The following KLHL7 variants were observed in gnomAD, a reference collection of about 807,000 sequenced individuals.
The protein encoded by KLHL7 is kelch-like protein 7.
KLHL7 carries 44 observed loss-of-function variants against 67.4 expected under a neutral mutation model. The observed-to-expected ratio is 0.65, with a 90% CI of 0.51 to 0.84. The LOEUF (loss-of-function observed/expected upper bound fraction) is 0.84. Among genes scored for constraint, KLHL7 ranks in the 40% least tolerant of loss-of-function variants. The pLI is 0.00. For missense variants in KLHL7, 362 were observed against 718.1 expected, an observed-to-expected ratio of 0.50 and a Z score of 5.67; for synonymous variants, 252 against 243.3, an observed-to-expected ratio of 1.04 and a Z score of -0.33.
intron 1 of KLHL7, among the ~76,000 whole-genome samples, chr7:23,114,809 T>A (rs1025841796): frequency 6.6e-6 from 1 of 152,212 alleles, no homozygotes; most frequent in African/African-American, 2.4e-5. Context: ...TCTCAAATTT[T>A]TCTAAGCCAA....
intron 7 of KLHL7, among the ~76,000 whole-genome samples, chr7:23,163,260 T>C (rs1784902104): frequency 6.6e-6 from 1 of 151,138 alleles, no homozygotes; most frequent in Admixed American, 6.6e-5. Flanking sequence ...AACTTCTGCC[T>C]CCCAGGTTCA....
In KLHL7 at chr7:23,147,400, A is replaced by G. The variant is rs530003075; in HGVS notation, c.793+3375A>G. ...CCACCAACGCTGGCCTACCCTGGTC[A>G]TTTTTTATGGTCTTTTTTCCTTGCT... is the stretch of plus-strand genomic sequence containing the variant. On this transcript the variant is annotated intron_variant, in intron 6 of 10. Coordinates refer to ENST00000339077, the MANE Select transcript of KLHL7 (RefSeq NM_001031710.3). 7.9e-5 allele frequency among the ~76,000 whole-genome samples: 12 copies of G among 152,126 alleles called. No homozygotes were observed. The South Asian group carries it at 2.1e-3, about 26-fold the overall frequency.
chr7:23,171,811 G>A (rs796655322), intron 9 of KLHL7, among the ~76,000 whole-genome samples: 4 of 152,294 alleles, frequency 2.6e-5, no homozygotes, highest in African/African-American at 7.2e-5. Context: ...CTGGGTTCAC[G>A]CCATTCTCCT....
chr7:23,165,566 C>G (rs1048796723), intron 7 of KLHL7, 132 bp from the exon 8 acceptor site: 2 of 1,102,514 alleles, frequency 1.8e-6, no homozygotes, highest in Admixed American at 2.0e-5. Flanking sequence ...GTAATAGTCT[C>G]AAGCCAAACA....
chr7:23,123,741 G>A, intron 1 of KLHL7, 36 bp from the exon 2 acceptor site: 1 of 1,427,022 alleles, frequency 7.0e-7, no homozygotes, highest in African/African-American at 1.4e-5. Context: ...AGGCTAGTGA[G>A]CCTCTTTTTA....
At chr7:23,167,725 G>T in intron 8 of KLHL7, 111 bp from the exon 9 acceptor site, 1 of 876,538 alleles carries the variant, frequency 1.1e-6, no homozygotes, top group Non-Finnish European at 1.8e-6. Flanking sequence ...TATGAAAATG[G>T]CCGTATGACC....
chr7:23,142,462 T>A (rs995628457), intron 5 of KLHL7, among the ~76,000 whole-genome samples: 1 of 151,968 alleles, frequency 6.6e-6, no homozygotes, highest in Non-Finnish European at 1.5e-5. Context: ...ACTAGATAAA[T>A]AGAAAAAATT....
At chr7:23,128,091 C>T (rs980336918) in intron 4 of KLHL7, among the ~76,000 whole-genome samples, 1 of 151,348 alleles carries the variant, frequency 6.6e-6, no homozygotes, top group African/African-American at 2.4e-5. Flanking sequence ...CGAGATTGCG[C>T]CACTGCACTC....
At chr7:23,167,384 AT>A (rs1232848100) in intron 8 of KLHL7, among the ~76,000 whole-genome samples, 1 of 152,190 alleles carries the variant, frequency 6.6e-6, no homozygotes, top group Non-Finnish European at 1.5e-5. Context: ...TGCTGTAGCT[AT>A]TCCAGAATAT....
intron 7 of KLHL7, among the ~76,000 whole-genome samples, chr7:23,152,630 C>T (rs1363864557): frequency 1.3e-5 from 2 of 151,836 alleles, no homozygotes; most frequent in African/African-American, 4.8e-5. Flanking sequence ...CCCTAGAAAA[C>T]CACAAAGAAA....
At chr7:23,118,967 G>T (rs976186425) in intron 1 of KLHL7, among the ~76,000 whole-genome samples, 2 of 152,112 alleles carry the variant, frequency 1.3e-5, no homozygotes, top group African/African-American at 4.8e-5. Context: ...AGCTACTTGG[G>T]ACGAGGGGTG....
intron 6 of KLHL7, 62 bp from the exon 7 acceptor site, chr7:23,152,005 C>T (rs1017065471): frequency 9.8e-6 from 15 of 1,526,588 alleles, no homozygotes; most frequent in African/African-American, 2.8e-5. Context: ...CTGGGTATTT[C>T]GTTTTCAAAG....
At chr7:23,123,551 T>C (rs1341295497) in intron 1 of KLHL7, among the ~76,000 whole-genome samples, 2 of 152,172 alleles carry the variant, frequency 1.3e-5, no homozygotes, top group African/African-American at 4.8e-5. Context: ...AGGAACTTTT[T>C]CTTTCCTCTT....
chr7:23,132,045 A>G (rs1783822701), intron 4 of KLHL7, among the ~76,000 whole-genome samples: 1 of 152,044 alleles, frequency 6.6e-6, no homozygotes, highest in Non-Finnish European at 1.5e-5. Flanking sequence ...TTCTTTACCC[A>G]TTCATCTGTT....
chr7:23,159,568 G>C (rs777002179), intron 7 of KLHL7, among the ~76,000 whole-genome samples: 1 of 151,986 alleles, frequency 6.6e-6, no homozygotes, highest in Non-Finnish European at 1.5e-5. Context: ...GTCTCACTCT[G>C]TTGCCCAGGC....
At chr7:23,128,402 G>A in intron 4 of KLHL7, among the ~76,000 whole-genome samples, 1 of 91,736 alleles carries the variant, frequency 1.1e-5, no homozygotes, top group Admixed American at 1.4e-4. Context: ...AATCAAATAA[G>A]ACTACGACTT....
At chr7:23,144,933 C>A (rs57611130) in intron 6 of KLHL7, among the ~76,000 whole-genome samples, 61,615 of 143,364 alleles carry the variant, frequency 0.43, 14,763 homozygotes, top group African/African-American at 0.69. Context: ...TTCCAACTCT[C>A]CAAAAAAAAA....
At chr7:23,148,049 A>C (rs1784414142) in intron 6 of KLHL7, among the ~76,000 whole-genome samples, 1 of 152,204 alleles carries the variant, frequency 6.6e-6, no homozygotes, top group South Asian at 2.1e-4. Flanking sequence ...ACAGCCAATA[A>C]AAACAATTTC....
chr7:23,126,092 TAA>T, intron 4 of KLHL7: 1 of 568,166 alleles, frequency 1.8e-6, no homozygotes, highest in Admixed American at 2.4e-5. Flanking sequence ...CATTATTAAG[TAA>T]AATAAGGGTT....
Sources: gnomAD v4.1 joint callset for allele counts (sites outside exome capture counted in the v4.1 genomes callset) on GRCh38, gnomAD v4.1.1 for gene constraint, MANE v1.5 for transcripts, NCBI Gene and HGNC (gene_info 2026-07-23, HGNC 2026-07-21) for gene names.